Variants in KCNQ5 observed in about 807,000 individuals in gnomAD.
The protein encoded by KCNQ5 is potassium voltage-gated channel subfamily Q member 5.
In KCNQ5, 30 loss-of-function variants were observed where a neutral mutation model predicts 98.2. The ratio of observed to expected loss-of-function variants is 0.31; its 90% CI spans 0.23 to 0.41. KCNQ5 has a LOEUF of 0.41. Among genes scored for constraint, KCNQ5 ranks in the 10% least tolerant of loss-of-function variants. KCNQ5 has a pLI of 1.00. For synonymous variants in KCNQ5, 458 were observed against 449.4 expected (o/e 1.02, Z -0.24); for missense variants, 835 against 1,182.5 (o/e 0.71, Z 4.31).
chr6:72,990,514 T>C (rs1348607414), intron 1 of KCNQ5, among the ~76,000 whole-genome samples: 1 of 40,434 alleles, frequency 2.5e-5, no homozygotes. Flanking sequence ...TTTTGTATCC[T>C]GAGACTTTGC....
At chr6:72,638,189 G>A (rs1467804453) in intron 1 of KCNQ5, among the ~76,000 whole-genome samples, 1 of 152,208 alleles carries the variant, frequency 6.6e-6, no homozygotes, top group African/African-American at 2.4e-5. Flanking sequence ...GTTGGGCCAT[G>A]CTTCAGTAGC....
chr6:72,897,373 C>T (rs1779295400), intron 1 of KCNQ5, among the ~76,000 whole-genome samples: 1 of 152,054 alleles, frequency 6.6e-6, no homozygotes, highest in Admixed American at 6.6e-5. Flanking sequence ...AACCCCACCT[C>T]TACTAAAAGT....
intron 1 of KCNQ5, among the ~76,000 whole-genome samples, chr6:72,855,258 A>G (rs1053094825): frequency 2.6e-5 from 4 of 151,798 alleles, no homozygotes; most frequent in Admixed American, 6.6e-5. Context: ...TTAAACGTTT[A>G]TATCTAAGGA....
intron 1 of KCNQ5, among the ~76,000 whole-genome samples, chr6:72,786,427 GTAAA>G (rs1024447348): frequency 1.2e-4 from 19 of 152,160 alleles, no homozygotes; most frequent in Admixed American, 2.6e-4. Flanking sequence ...AAATAAATAA[GTAAA>G]TAAATAAATA....
intron 1 of KCNQ5, among the ~76,000 whole-genome samples, chr6:72,900,480 CAT>C (rs976845267): frequency 7.5e-4 from 102 of 135,902 alleles, no homozygotes; most frequent in African/African-American, 2.4e-3. Flanking sequence ...TATATTCCAT[CAT>C]ATATATATAT....
chr6:72,944,620 G>C (rs1268569844), intron 1 of KCNQ5, among the ~76,000 whole-genome samples: 1 of 152,152 alleles, frequency 6.6e-6, no homozygotes, highest in African/African-American at 2.4e-5. Context: ...TTAAACACTT[G>C]AGACATTAGC....
chr6:72,865,200 A>G (rs549647222), intron 1 of KCNQ5, among the ~76,000 whole-genome samples: 15 of 152,260 alleles, frequency 9.9e-5, no homozygotes, highest in Non-Finnish European at 2.9e-5. Flanking sequence ...TCAATCCAAA[A>G]TCCTCCAGGT....
At chr6:72,904,418 G>A (rs1231499055) in intron 1 of KCNQ5, among the ~76,000 whole-genome samples, 1 of 152,006 alleles carries the variant, frequency 6.6e-6, no homozygotes, top group African/African-American at 2.4e-5. Context: ...GTGTACCTTG[G>A]TTTTTTGTTT....
chr6:72,700,291 ATATC>A (rs70994146), intron 1 of KCNQ5, among the ~76,000 whole-genome samples: 22,257 of 149,044 alleles, frequency 0.15, 1,726 homozygotes, highest in Middle Eastern at 0.17. Flanking sequence ...CTATATATCT[ATATC>A]TATCTATCTA....
At chr6:72,636,548 G>A (rs13212962) in intron 1 of KCNQ5, among the ~76,000 whole-genome samples, 10,282 of 152,252 alleles carry the variant, frequency 0.068, 499 homozygotes, top group Middle Eastern at 0.18. Flanking sequence ...TCTCACACCT[G>A]AATGAATCTA....
intron 1 of KCNQ5, among the ~76,000 whole-genome samples, chr6:72,764,887 C>T (rs1236023799): frequency 6.6e-6 from 1 of 151,906 alleles, no homozygotes; most frequent in East Asian, 1.9e-4. Context: ...TCTTTCTGTG[C>T]CTGGCTTATT....
intron 1 of KCNQ5, among the ~76,000 whole-genome samples, chr6:72,646,276 CTG>C (rs889413798): frequency 4.6e-5 from 7 of 151,490 alleles, no homozygotes; most frequent in South Asian, 2.1e-4. Flanking sequence ...TATAATGAAA[CTG>C]TGAAAAATAC....
At chr6:73,185,382 A>G (rs1417660764) in intron 11 of KCNQ5, among the ~76,000 whole-genome samples, 1 of 152,018 alleles carries the variant, frequency 6.6e-6, no homozygotes. Flanking sequence ...GGGTCTCACT[A>G]TGTTGCCCAG....
chr6:72,815,202 G>A (rs1171563661), intron 1 of KCNQ5, among the ~76,000 whole-genome samples: 4 of 152,004 alleles, frequency 2.6e-5, no homozygotes, highest in Admixed American at 2.6e-4. Context: ...ATGTAGATGG[G>A]GACTTTATAA....
At position 72,970,891 on chromosome 6, in the gene KCNQ5, A is replaced by C. The variant is rs1274032475; in HGVS notation, c.399-33017A>C. Among the ~76,000 whole-genome samples, 5 of 152,244 alleles carry C rather than the reference A, an allele frequency of 3.3e-5. No homozygotes were observed. In the South Asian group the frequency reaches 1.0e-3, roughly 31 times the overall value. On this transcript the variant is annotated intron_variant, in intron 1 of 13. Transcript: ENST00000370398. The stretch of plus-strand genomic sequence containing the variant: ...TTACATGTTAGACCTAAAACCATAA[A>C]AACCCTAGAAGAAAACCTAGGCAAT...
intron 7 of KCNQ5, among the ~76,000 whole-genome samples, chr6:73,117,221 T>C (rs1345720504): frequency 6.6e-6 from 1 of 152,244 alleles, no homozygotes; most frequent in East Asian, 1.9e-4. Flanking sequence ...CACAGGGATG[T>C]GGGTTCAAAG....
chr6:72,911,868 A>G (rs1470717706), intron 1 of KCNQ5, among the ~76,000 whole-genome samples: 1 of 152,080 alleles, frequency 6.6e-6, no homozygotes, highest in Non-Finnish European at 1.5e-5. Flanking sequence ...TTCTTTAAAG[A>G]TATTGTACTC....
In KCNQ5 at chr6:72,709,178, A is replaced by C. The variant is rs183102499; in HGVS notation, c.398+86591A>C. ...TCCTTCCTTTTAAGATTCTCTAAAA[A>C]TGAAACATGCATAGGAAATATATCT... On this transcript the variant is annotated intron_variant, in intron 1 of 13. Transcript: ENST00000370398. 1.4e-4 allele frequency among the ~76,000 whole-genome samples: 21 copies of C among 152,314 alleles called. 1 individual carries two copies. Among genetic ancestry groups the C allele is most frequent in the Admixed American group, 1.1e-3 (17 of 15,294 alleles).
intron 1 of KCNQ5, among the ~76,000 whole-genome samples, chr6:72,688,836 T>G (rs1380922205): frequency 6.6e-6 from 1 of 152,228 alleles, no homozygotes; most frequent in Non-Finnish European, 1.5e-5. Context: ...GTTTTTAAAA[T>G]TTTTGGTCTT....
Sources: gnomAD v4.1 joint callset for allele counts (sites outside exome capture counted in the v4.1 genomes callset) on GRCh38, gnomAD v4.1.1 for gene constraint, MANE v1.5 for transcripts, NCBI Gene and HGNC (gene_info 2026-07-23, HGNC 2026-07-21) for gene names.